RIPOR2: variants seen among roughly 807,000 people sequenced by gnomAD.
RIPOR2 encodes the protein rho family-interacting cell polarization regulator 2.
RIPOR2 carries 39 observed loss-of-function variants against 114.5 expected under a neutral mutation model. The ratio of observed to expected loss-of-function variants is 0.34; its 90% CI spans 0.26 to 0.44. The LOEUF is 0.44. Ranked by LOEUF, RIPOR2 falls within the 20% of genes least tolerant of loss-of-function variation. The pLI is 1.00. For missense variants in RIPOR2, 1,007 were observed against 1,255.1 expected, an observed-to-expected ratio of 0.80 and a Z score of 2.99; for synonymous variants, 445 against 484.4, an observed-to-expected ratio of 0.92 and a Z score of 1.07.
At chr6:24,834,400 A>G (rs77774617) in intron 15 of RIPOR2, among the ~76,000 whole-genome samples, 2 of 151,972 alleles carry the variant, frequency 1.3e-5, no homozygotes, top group African/African-American at 4.8e-5. Flanking sequence ...GTCTTCCAAC[A>G]GGTTCTGTGC....
intron 1 of RIPOR2, among the ~76,000 whole-genome samples, chr6:25,013,325 G>A (rs532581936): frequency 6.6e-6 from 1 of 152,052 alleles, no homozygotes; most frequent in Admixed American, 6.5e-5. Context: ...TGAAGACCAC[G>A]GGTGTTCCTT....
chr6:24,865,428 T>C lies in RIPOR2; in HGVS notation c.524A>G (p.Tyr175Cys). 6.2e-7 allele frequency: 1 copy of C among 1,613,070 alleles called. No individual in the cohort carries two copies. The highest frequency in any genetic ancestry group is 8.5e-7 in the Non-Finnish European group (1 of 1,179,460). The change falls in exon 7 of 22, where the codon TAT becomes TGT. Residue 175 changes from tyrosine (Y) to cysteine (C), a missense_variant. By Grantham distance (194) the Tyr-to-Cys change is radical (BLOSUM62 -2). Coordinates refer to ENST00000643898, the MANE Select transcript of RIPOR2 (RefSeq NM_001286445.3). ...ATCCTGGAGGCGTCGCTGGATACAA[T>C]AAGCTTCATAGAGTTCATCTACCTG... ...ISKVDELYEA[Y>C]CIQRRLQDGA...
At chr6:24,890,032 T>C (rs1369043703) in intron 1 of RIPOR2, among the ~76,000 whole-genome samples, 1 of 152,120 alleles carries the variant, frequency 6.6e-6, no homozygotes, top group Non-Finnish European at 1.5e-5. Flanking sequence ...GCTGGGGGAT[T>C]ACAGGTATGC....
At chr6:24,974,514 C>T (rs1278103096) in intron 1 of RIPOR2, among the ~76,000 whole-genome samples, 1 of 152,152 alleles carries the variant, frequency 6.6e-6, no homozygotes. Context: ...CTGATAATCA[C>T]AAGCGTTGAG....
intron 2 of RIPOR2, among the ~76,000 whole-genome samples, chr6:24,874,802 C>T (rs1232765540): frequency 1.3e-5 from 2 of 152,174 alleles, no homozygotes; most frequent in Non-Finnish European, 2.9e-5. Context: ...ATAGCTAATT[C>T]TATATGACAT....
At chr6:24,847,730 G>T in intron 12 of RIPOR2, 2 of 1,529,666 alleles carry the variant, frequency 1.3e-6, no homozygotes, top group South Asian at 2.4e-5. Flanking sequence ...TTAGTGGGAA[G>T]AATCAGGTTA....
chr6:24,889,638 T>C (rs1057071161), intron 1 of RIPOR2, among the ~76,000 whole-genome samples: 10 of 152,044 alleles, frequency 6.6e-5, no homozygotes, highest in African/African-American at 2.4e-4. Context: ...AAATTTAAAA[T>C]ATATATATTT....
At chr6:24,867,979 G>A (rs756004320) in intron 6 of RIPOR2, among the ~76,000 whole-genome samples, 79 of 152,076 alleles carry the variant, frequency 5.2e-4, no homozygotes, top group African/African-American at 1.8e-3. Flanking sequence ...AATACTGATT[G>A]TTTTCTTGCT....
At position 24,954,456 on chromosome 6, in the gene RIPOR2, C is replaced by CTTT. The variant is rs10667748; in HGVS notation, c.77-78642_77-78640dup. On this transcript the variant is annotated intron_variant, in intron 1 of 13. Coordinates refer to the RIPOR2 transcript ENST00000510784. The stretch of plus-strand genomic sequence containing the variant: ...ACTGTGCAGGCCCAGTCTCTCTCTC[C>CTTT]TTTTTTTTTTTTTTTTTGAGACAGG... Among the ~76,000 whole-genome samples, 144 of 132,378 alleles carry CTTT rather than the reference C, an allele frequency of 1.1e-3. 9 individuals carry two copies. The highest frequency in any genetic ancestry group is 2.2e-3 in the African/African-American group (79 of 35,738). 86.8% of individuals were successfully genotyped at this position (132,378 alleles called of 152,430 possible).
chr6:24,840,110 A>T, intron 13 of RIPOR2: 1 of 698,340 alleles, frequency 1.4e-6, no homozygotes, highest in Non-Finnish European at 1.8e-6. Flanking sequence ...CCACCACACC[A>T]GGCTAATTTT....
At chr6:24,925,007 G>A (rs912293275) in intron 1 of RIPOR2, among the ~76,000 whole-genome samples, 2 of 152,136 alleles carry the variant, frequency 1.3e-5, no homozygotes, top group African/African-American at 4.8e-5. Context: ...GAGAAGAATG[G>A]AATTCTTTTC....
intron 1 of RIPOR2, among the ~76,000 whole-genome samples, chr6:24,925,223 C>A (rs772191709): frequency 1.8e-4 from 27 of 152,224 alleles, no homozygotes; most frequent in Admixed American, 6.5e-4. Flanking sequence ...CTCAGTGTTA[C>A]CTGGTGGGTC....
intron 1 of RIPOR2, among the ~76,000 whole-genome samples, chr6:24,929,910 C>T (rs1007076572): frequency 1.7e-4 from 26 of 151,746 alleles, no homozygotes; most frequent in Non-Finnish European, 2.2e-4. Context: ...GCTGGCTTTA[C>T]AAAAAAAATT....
intron 1 of RIPOR2, among the ~76,000 whole-genome samples, chr6:24,909,652 G>T (rs1769352206): frequency 6.6e-6 from 1 of 152,166 alleles, no homozygotes; most frequent in African/African-American, 2.4e-5. Context: ...AATTTCTTCA[G>T]AATGGGGGCA....
At chr6:24,965,645 C>T (rs1267438511) in intron 1 of RIPOR2, among the ~76,000 whole-genome samples, 3 of 151,982 alleles carry the variant, frequency 2.0e-5, no homozygotes, top group African/African-American at 4.8e-5. Context: ...GGGTCTTTCC[C>T]GACTACACAT....
intron 9 of RIPOR2, among the ~76,000 whole-genome samples, chr6:24,852,276 A>G (rs1008254888): frequency 6.6e-6 from 1 of 152,066 alleles, no homozygotes; most frequent in African/African-American, 2.4e-5. Context: ...TAAAAAATAA[A>G]TAAGTAAGTA....
intron 1 of RIPOR2, among the ~76,000 whole-genome samples, chr6:24,962,285 A>C (rs894074440): frequency 2.0e-5 from 3 of 152,210 alleles, no homozygotes; most frequent in Non-Finnish European, 2.9e-5. Flanking sequence ...ACTTAAAATT[A>C]CAGGTTTTGG....
At chr6:24,927,740 G>A (rs1447185265) in intron 1 of RIPOR2, among the ~76,000 whole-genome samples, 1 of 152,042 alleles carries the variant, frequency 6.6e-6, no homozygotes, top group Non-Finnish European at 1.5e-5. Context: ...CATTTTCACT[G>A]GAAAAAGGGA....
intron 1 of RIPOR2, among the ~76,000 whole-genome samples, chr6:24,927,391 TCAC>T (rs1398842370): frequency 1.6e-4 from 22 of 134,978 alleles, no homozygotes; most frequent in South Asian, 4.9e-4. Context: ...ACCACTACCA[TCAC>T]CACCACCACC....
Sources: gnomAD v4.1 joint callset for allele counts (sites outside exome capture counted in the v4.1 genomes callset) on GRCh38, gnomAD v4.1.1 for gene constraint, MANE v1.5 for transcripts, NCBI Gene and HGNC (gene_info 2026-07-23, HGNC 2026-07-21) for gene names.